The following TTC14 variants were observed in gnomAD, a reference collection of about 807,000 sequenced individuals.
TTC14 encodes the protein tetratricopeptide repeat protein 14.
In TTC14, 63 loss-of-function variants were observed where a neutral mutation model predicts 79.9. The observed-to-expected ratio is 0.79, with a 90% CI of 0.64 to 0.97. The LOEUF is 0.97. TTC14 is among the 50% of genes least tolerant of loss of function. TTC14 has a pLI of 0.00. For synonymous variants in TTC14, 335 were observed against 309.6 expected, an observed-to-expected ratio of 1.08 and a Z score of -0.86; for missense variants, 895 against 894.0, an observed-to-expected ratio of 1.00 and a Z score of -0.01.
In TTC14 at chr3:180,607,666, GT is replaced by G; in HGVS notation, c.1196del (p.Leu399Ter). 6.2e-7 allele frequency: 1 copy of G among 1,602,836 alleles called. No homozygotes were observed. The highest frequency in any genetic ancestry group is 8.5e-7 in the Non-Finnish European group (1 of 1,176,710). ...RGGQLEEEEK[F>X]LNAESYYKKA... ...AATTTAGGTTAGAAGAAGAAGAAAA[GT>G]TTTTAAATGCTGAAAGTTACTATAA... On this transcript the variant is annotated frameshift_variant, in exon 10 of 12. Transcript: ENST00000296015. LOFTEE classifies it high-confidence loss of function.
chr3:180,609,679 GCTGATGAAT>G lies in TTC14; in HGVS notation c.1452_1460del (p.Asp485_Ser487del). On this transcript the variant is annotated inframe_deletion, in exon 12 of 12. Coordinates refer to ENST00000296015, the MANE Select transcript of TTC14 (RefSeq NM_133462.4). The stretch of plus-strand genomic sequence containing the variant: ...AACTTCTTCTTCAAGTGTTTCTTCT[GCTGATGAAT>G]CAGTGTCTTCATCATCATCCTCTTC... 3.1e-6 allele frequency: 5 copies of G among 1,593,184 alleles called. No homozygotes were observed. Among genetic ancestry groups the G allele is most frequent in the Non-Finnish European group, 4.3e-6 (5 of 1,174,360 alleles).
At chr3:180,614,871 G>T, downstream of TTC14, 3 of 1,479,158 alleles carry the variant, frequency 2.0e-6, no homozygotes, top group Non-Finnish European at 1.8e-6. Context: ...GTATTTTAAA[G>T]TATATTTTTG....
intron 10 of TTC14, chr3:180,608,238 T>G: frequency 1.0e-6 from 1 of 990,576 alleles, no homozygotes; most frequent in Non-Finnish European, 1.2e-6. Context: ...TATGTAATCA[T>G]GCATCCAACT....
Position 180,611,030 on chromosome 3 carries a change from C to T in TTC14, c.*488C>T, listed in dbSNP as rs985403141. On this transcript the variant is annotated 3_prime_UTR_variant, in exon 12 of 12. Transcript: ENST00000296015. ...TTTATATTTATCAGTTTAAATATTA[C>T]ATTTTTTGCCCAATTTTTTTTAAAA... 1 of 937,656 alleles carries T rather than the reference C, an allele frequency of 1.1e-6. No homozygotes were observed. Among genetic ancestry groups the T allele is most frequent in the African/African-American group, 1.8e-5 (1 of 56,212 alleles). 58.1% of individuals were successfully genotyped at this position (937,656 alleles called of 1,614,324 possible). A position where few individuals can be genotyped will look rare whatever the true frequency, so the allele number is the denominator to read the frequency against.
downstream of TTC14, among the ~76,000 whole-genome samples, chr3:180,612,387 A>C (rs527586201): frequency 1.6e-4 from 24 of 152,242 alleles, no homozygotes; most frequent in South Asian, 4.8e-3. Context: ...TGTACATTGT[A>C]CCCATTTCAT....
chr3:180,602,404 A>G lies in TTC14; in HGVS notation c.143A>G (p.Gln48Arg). ...GAGCCAGCCCGGGGCCCGCCGCCCC[A>G]GCACCCGTTGCAGGGCAGGTAATGA... ...AAEPARGPPP[Q>R]HPLQGRKEKR... Residue 48 changes from glutamine to arginine, a missense_variant, in exon 1 of 12, where the codon CAG becomes CGG. By Grantham distance (43) the Gln-to-Arg change is conservative. Transcript: ENST00000296015. 6.2e-7 allele frequency: 1 copy of G among 1,607,222 alleles called. No individual in the cohort carries two copies.
chr3:180,602,425 A>G lies in TTC14; in HGVS notation c.161+3A>G. 6.3e-7 allele frequency: 1 copy of G among 1,599,480 alleles called. No individual in the cohort carries two copies. Among genetic ancestry groups the G allele is most frequent in the South Asian group, 1.1e-5 (1 of 90,366 alleles). Reference sequence around the variant, plus strand: ...CCCCAGCACCCGTTGCAGGGCAGGTAATGAGACGTTGGTGCCACTGCGCCA... The same window carrying G: ...CCCCAGCACCCGTTGCAGGGCAGGTGATGAGACGTTGGTGCCACTGCGCCA... On this transcript the variant is annotated splice_donor_region_variant and intron_variant, in intron 1 of 11. Transcript: ENST00000296015.
chr3:180,614,799 G>GT, downstream of TTC14: 1 of 840,162 alleles, frequency 1.2e-6, no homozygotes, highest in Non-Finnish European at 1.8e-6. Flanking sequence ...AAAACTATCA[G>GT]TTTTTACACT....
intron 5 of TTC14, 61 bp from the exon 6 acceptor site, chr3:180,604,791 T>G: frequency 6.6e-7 from 1 of 1,512,976 alleles, no homozygotes; most frequent in Non-Finnish European, 8.9e-7. Flanking sequence ...TATTATTTCT[T>G]TACTAGAAAT....
chr3:180,610,274 T>C lies in TTC14; in HGVS notation c.2045T>C (p.Val682Ala), dbSNP rs1348008565. ...PASSEYSWKS[V>A]EKYKKYAHSG... ...AGCTCAGAATACTCTTGGAAGTCAG[T>C]TGAGAAATACAAAAAATACGCTCAC... Residue 682 changes from valine to alanine, a missense_variant, in exon 12 of 12, where the codon GTT becomes GCT. Transcript: ENST00000296015. 3 of 1,613,644 alleles carry C rather than the reference T, an allele frequency of 1.9e-6. No homozygotes were observed. Among genetic ancestry groups the C allele is most frequent in the East Asian group, 2.2e-5 (1 of 44,866 alleles).
At chr3:180,607,901 T>G in intron 10 of TTC14, 136 bp downstream of exon 10, 1 of 1,448,454 alleles carries the variant, frequency 6.9e-7, no homozygotes, top group Non-Finnish European at 9.0e-7. Flanking sequence ...TAGTTTTTCC[T>G]AATTGGGTTT....
Position 180,602,312 on chromosome 3 carries a change from G to C in TTC14, c.51G>C (p.Leu17Phe), listed in dbSNP as rs374582072. 1.2e-6 allele frequency: 2 copies of C among 1,613,724 alleles called. No homozygotes were observed. The highest frequency in any genetic ancestry group is 1.3e-5 in the African/African-American group (1 of 74,914). ...CGCTAAATTGCCACGGGTCGTCTTT[G>C]CTCTCTCTACTTCGGAGCGAACAGC... ...RQSLNCHGSS[L>F]LSLLRSEQQD... Residue 17 changes from leucine (L) to phenylalanine (F), a missense_variant, in exon 1 of 12, where the codon TTG (leucine) becomes TTC (phenylalanine). Transcript: ENST00000296015.
chr3:180,616,280 C>G, intron 12 of TTC14: 2 of 1,612,860 alleles, frequency 1.2e-6, no homozygotes, highest in Non-Finnish European at 1.7e-6. Context: ...CCTCCGCTTA[C>G]CTTGCTGATA....
At chr3:180,603,589 G>A (rs181950971) in intron 3 of TTC14, 13 of 435,940 alleles carry the variant, frequency 3.0e-5, no homozygotes, top group African/African-American at 1.4e-4. Context: ...ATCAGTGGAC[G>A]TGGTGAGGTT....
chr3:180,611,423 G>A (rs1466544213), downstream of TTC14, among the ~76,000 whole-genome samples: 2 of 152,170 alleles, frequency 1.3e-5, no homozygotes, highest in Non-Finnish European at 2.9e-5. Context: ...CAGATGTTCA[G>A]TCCAGAAGGC....
chr3:180,611,266 A>G (rs544902514), downstream of TTC14: 18 of 722,250 alleles, frequency 2.5e-5, no homozygotes, highest in Non-Finnish European at 3.1e-5. Flanking sequence ...TTAAATATTT[A>G]CAAGGCCCTT....
intron 10 of TTC14, 183 bp from the exon 11 acceptor site, chr3:180,608,518 C>T: frequency 1.7e-6 from 2 of 1,186,028 alleles, no homozygotes; most frequent in Non-Finnish European, 2.1e-6. Flanking sequence ...ATTTCAATGA[C>T]TAATGCCAAA....
chr3:180,617,985 T>C (rs1717311195), downstream of TTC14, among the ~76,000 whole-genome samples: 1 of 152,174 alleles, frequency 6.6e-6, no homozygotes, highest in African/African-American at 2.4e-5. Context: ...GTACCATTTT[T>C]TTAATCCATT....
At position 180,602,991 on chromosome 3, in the gene TTC14, T is replaced by A. The variant is rs140966140; in HGVS notation, c.262T>A (p.Ser88Thr). The part of the protein sequence containing the change: ...LSWKSDAPAT[S>T]EINEDSEDHY... ...CTGGAAATCAGATGCACCTGCAACT[T>A]CTGAAATTAATGAAGACAGTGAAGG... Residue 88 changes from serine (S) to threonine (T), a missense_variant, in exon 2 of 12, where the codon TCT becomes ACT. Physicochemically the swap from Ser to Thr is moderately conservative, Grantham distance 58. Transcript: ENST00000296015. The A allele has an allele frequency of 3.8e-5, 61 of 1,613,620 alleles. 1 individual carries two copies. Among genetic ancestry groups the A allele is most frequent in the Middle Eastern group, 3.3e-4 (2 of 6,060 alleles).
Sources: gnomAD v4.1 joint callset for allele counts (sites outside exome capture counted in the v4.1 genomes callset) on GRCh38, gnomAD v4.1.1 for gene constraint, MANE v1.5 for transcripts, NCBI Gene and HGNC (gene_info 2026-07-23, HGNC 2026-07-21) for gene names.